PARN: variants seen among roughly 807,000 people sequenced by gnomAD.
PARN encodes the protein poly(A)-specific ribonuclease PARN.
PARN carries 71 observed loss-of-function variants against 102.8 expected under a neutral mutation model. The observed-to-expected ratio is 0.69, with a 90% CI of 0.57 to 0.84. PARN has a LOEUF of 0.84. Ranked by LOEUF, PARN falls within the 40% of genes least tolerant of loss-of-function variation. PARN has a pLI of 0.00. For synonymous variants in PARN, 261 were observed against 252.9 expected, an observed-to-expected ratio of 1.03 and a Z score of -0.30; for missense variants, 782 against 760.9, an observed-to-expected ratio of 1.03 and a Z score of -0.33.
At chr16:14,473,772 G>A (rs776646111) in intron 22 of PARN, among the ~76,000 whole-genome samples, 2 of 152,174 alleles carry the variant, frequency 1.3e-5, no homozygotes, top group South Asian at 2.1e-4. Flanking sequence ...AAATAGCAGT[G>A]GACAGTTGTG....
chr16:14,622,510 T>C (rs1299445282), intron 5 of PARN, among the ~76,000 whole-genome samples: 1 of 152,076 alleles, frequency 6.6e-6, no homozygotes, highest in Non-Finnish European at 1.5e-5. Context: ...TAGGATTCCA[T>C]ATATATATAT....
At chr16:14,490,763 A>G (rs1235634313) in intron 21 of PARN, among the ~76,000 whole-genome samples, 1 of 152,194 alleles carries the variant, frequency 6.6e-6, no homozygotes, top group Admixed American at 6.5e-5. Flanking sequence ...TTGCTTATTT[A>G]AATATGAATA....
intron 21 of PARN, among the ~76,000 whole-genome samples, chr16:14,512,387 C>T (rs538584494): frequency 3.6e-4 from 54 of 152,064 alleles, no homozygotes; most frequent in African/African-American, 1.3e-3. Context: ...CCTGTAGTCC[C>T]GAGGCTGAGG....
At chr16:14,513,681 T>C (rs1965315535) in intron 21 of PARN, among the ~76,000 whole-genome samples, 1 of 152,304 alleles carries the variant, frequency 6.6e-6, no homozygotes, top group Non-Finnish European at 1.5e-5. Context: ...CTTCTCCCTG[T>C]TGTGGCTGAG....
At chr16:14,538,837 A>G (rs762255618) in intron 21 of PARN, among the ~76,000 whole-genome samples, 2 of 152,032 alleles carry the variant, frequency 1.3e-5, no homozygotes, top group Non-Finnish European at 2.9e-5. Flanking sequence ...ATTACCACCT[A>G]AGCTCCACGT....
chr16:14,438,148 G>C (rs1040751473), intron 23 of PARN, among the ~76,000 whole-genome samples: 7 of 152,188 alleles, frequency 4.6e-5, no homozygotes, highest in African/African-American at 1.7e-4. Flanking sequence ...GTGAAGTACT[G>C]CAAGGGGCCT....
intron 21 of PARN, among the ~76,000 whole-genome samples, chr16:14,495,366 C>G (rs993425623): frequency 6.6e-6 from 1 of 152,134 alleles, no homozygotes; most frequent in African/African-American, 2.4e-5. Context: ...CACCTGTAGT[C>G]CCAGCTACTC....
chr16:14,569,873 T>C (rs973349119), intron 18 of PARN, among the ~76,000 whole-genome samples: 1 of 152,110 alleles, frequency 6.6e-6, no homozygotes, highest in Non-Finnish European at 1.5e-5. Flanking sequence ...ATATTGTGAA[T>C]GTAATTAATG....
At chr16:14,538,143 T>C (rs1256363162) in intron 21 of PARN, among the ~76,000 whole-genome samples, 1 of 151,742 alleles carries the variant, frequency 6.6e-6, no homozygotes, top group African/African-American at 2.4e-5. Context: ...AAACAGGAAA[T>C]ACCAAAATTT....
rs989258656 is a variant in PARN at position 14,468,749 on chromosome 16, A to T, written c.1670+13889T>A. Among the ~76,000 whole-genome samples the T allele has an allele frequency of 3.3e-5, 5 of 152,178 alleles. No homozygotes were observed. The East Asian group carries it at 9.6e-4, about 29-fold the overall frequency. ...AACTTCAAATATATAGAAAGTTTAA[A>T]GAACTATACAGTACAGGCACAGTGA... is the stretch of plus-strand genomic sequence containing the variant. On this transcript the variant is annotated intron_variant, in intron 22 of 23. Transcript: ENST00000437198.
At chr16:14,624,906 C>T (rs1473371919) in intron 5 of PARN, among the ~76,000 whole-genome samples, 1 of 152,022 alleles carries the variant, frequency 6.6e-6, no homozygotes, top group African/African-American at 2.4e-5. Flanking sequence ...ATAAAATAAG[C>T]CGGCGTGATG....
intron 16 of PARN, 142 bp downstream of exon 16, chr16:14,584,205 C>A: frequency 1.9e-6 from 1 of 516,276 alleles, no homozygotes; most frequent in Non-Finnish European, 3.5e-6. Context: ...AACAATAATT[C>A]AACACACGGT....
intron 21 of PARN, among the ~76,000 whole-genome samples, chr16:14,501,375 AGGTG>A (rs1225106712): frequency 7.6e-6 from 1 of 131,074 alleles, no homozygotes; most frequent in African/African-American, 2.7e-5. Flanking sequence ...TGGGACGCTG[AGGTG>A]GGAGGATCAC....
At chr16:14,446,013 A>G (rs770975737) in intron 23 of PARN, among the ~76,000 whole-genome samples, 21 of 152,280 alleles carry the variant, frequency 1.4e-4, no homozygotes, top group Non-Finnish European at 2.9e-4. Context: ...CACATTAAGC[A>G]CTGTCCTGGC....
chr16:14,621,682 G>A (rs1426699950), intron 5 of PARN, among the ~76,000 whole-genome samples: 1 of 151,766 alleles, frequency 6.6e-6, no homozygotes, highest in Non-Finnish European at 1.5e-5. Context: ...CATGGTGGCA[G>A]CGCCTGTAGT....
intron 21 of PARN, among the ~76,000 whole-genome samples, chr16:14,529,924 C>T (rs908837471): frequency 1.3e-5 from 2 of 152,070 alleles, no homozygotes; most frequent in Admixed American, 1.3e-4. Context: ...ACCACGAGAC[C>T]CCATCATGAC....
At chr16:14,445,572 GTGTA>G (rs1032649248) in intron 23 of PARN, among the ~76,000 whole-genome samples, 3 of 152,174 alleles carry the variant, frequency 2.0e-5, no homozygotes, top group African/African-American at 7.2e-5. Context: ...TTTTGTGTGT[GTGTA>G]TGTAAGACAG....
At chr16:14,604,253 TTTTC>T in intron 10 of PARN, 27 bp from the exon 11 acceptor site, 3 of 1,394,770 alleles carry the variant, frequency 2.2e-6, no homozygotes, top group Non-Finnish European at 3.0e-6. Context: ...AGATATACAA[TTTTC>T]TTTTCTTTTT....
intron 22 of PARN, among the ~76,000 whole-genome samples, chr16:14,464,144 A>G (rs1174645666): frequency 1.3e-5 from 2 of 152,080 alleles, no homozygotes; most frequent in Non-Finnish European, 2.9e-5. Context: ...CACCCAGCCC[A>G]ACATGTCCAA....
Sources: gnomAD v4.1 joint callset for allele counts (sites outside exome capture counted in the v4.1 genomes callset) on GRCh38, gnomAD v4.1.1 for gene constraint, MANE v1.5 for transcripts, NCBI Gene and HGNC (gene_info 2026-07-23, HGNC 2026-07-21) for gene names.